Variants in PFKFB4 observed in about 807,000 individuals in gnomAD.
PFKFB4 encodes the protein 6-phosphofructo-2-kinase/fructose-2,6-biphosphatase 4.
In PFKFB4, 42 loss-of-function variants were observed where a neutral mutation model predicts 62.8. That is an observed-to-expected ratio of 0.67 (90% CI 0.52 to 0.86). The LOEUF (loss-of-function observed/expected upper bound fraction) is 0.86. Among genes scored for constraint, PFKFB4 ranks in the 40% least tolerant of loss-of-function variants. PFKFB4 has a pLI of 0.00. For missense variants in PFKFB4, 475 were observed against 627.2 expected, an observed-to-expected ratio of 0.76 and a Z score of 2.59; for synonymous variants, 204 against 240.7, an observed-to-expected ratio of 0.85 and a Z score of 1.41.
At chr3:48,545,536 G>A (rs1170793075) in intron 3 of PFKFB4, among the ~76,000 whole-genome samples, 2 of 152,188 alleles carry the variant, frequency 1.3e-5, no homozygotes, top group Non-Finnish European at 2.9e-5. Flanking sequence ...GGCAGAAGCT[G>A]ATCTGAGAAC....
intron 9 of PFKFB4, among the ~76,000 whole-genome samples, chr3:48,534,887 C>T (rs2042543017): frequency 6.6e-6 from 1 of 151,898 alleles, no homozygotes; most frequent in Non-Finnish European, 1.5e-5. Flanking sequence ...CAGCCCACTG[C>T]AACCTCTGTC....
intron 13 of PFKFB4, among the ~76,000 whole-genome samples, chr3:48,520,137 G>A (rs1430635615): frequency 6.6e-6 from 1 of 152,174 alleles, no homozygotes; most frequent in African/African-American, 2.4e-5. Context: ...CCTGGCTTGG[G>A]GATTTTATCC....
intron 3 of PFKFB4, among the ~76,000 whole-genome samples, chr3:48,549,303 C>T (rs149625246): frequency 3.4e-3 from 517 of 152,246 alleles, no homozygotes; most frequent in African/African-American, 0.012. Context: ...CAAAGCCAAT[C>T]GCACCAGCAA....
At chr3:48,534,859 A>G (rs1208401424) in intron 9 of PFKFB4, among the ~76,000 whole-genome samples, 1 of 151,564 alleles carries the variant, frequency 6.6e-6, no homozygotes, top group Non-Finnish European at 1.5e-5. Context: ...CCCAGGCTGG[A>G]GTGCAGTGGC....
At position 48,523,617 on chromosome 3, in the gene PFKFB4, G is replaced by T. The variant is rs1457571701; in HGVS notation, c.1223-18C>A. The T allele has an allele frequency of 6.2e-7, 1 of 1,613,990 alleles. No individual in the cohort carries two copies. The highest frequency in any genetic ancestry group is 1.3e-5 in the African/African-American group (1 of 74,940). ...CAGCTGTTCTGTAGACACAGAGGGGGATGGCTAGCACACCAGAAATGCCTG... is the reference window on the plus strand; with the variant it reads ...CAGCTGTTCTGTAGACACAGAGGGGTATGGCTAGCACACCAGAAATGCCTG... On this transcript the variant is annotated intron_variant, in intron 11 of 13. Transcript: ENST00000232375.
intron 13 of PFKFB4, among the ~76,000 whole-genome samples, chr3:48,520,900 C>A (rs549169810): frequency 1.3e-5 from 2 of 152,186 alleles, no homozygotes; most frequent in Non-Finnish European, 2.9e-5. Context: ...ACTCTGTCAG[C>A]GCTGGGGGCC....
intron 13 of PFKFB4, among the ~76,000 whole-genome samples, chr3:48,520,787 C>T (rs1293279189): frequency 6.6e-6 from 1 of 152,200 alleles, no homozygotes; most frequent in African/African-American, 2.4e-5. Context: ...TGACCGCCAG[C>T]CACACTATGG....
At chr3:48,561,180 C>A, upstream of PFKFB4, 2 of 883,238 alleles carry the variant, frequency 2.3e-6, no homozygotes, top group Non-Finnish European at 3.1e-6. This position sits in a 1 kb window ranked among gnomAD's most constrained non-coding sequence, Gnocchi z 5.2. Context: ...CCCCGCCTAG[C>A]ACTCTGAAGA....
chr3:48,551,160 G>A (rs1199424614), intron 1 of PFKFB4, among the ~76,000 whole-genome samples: 3 of 151,732 alleles, frequency 2.0e-5, no homozygotes, highest in Non-Finnish European at 4.4e-5. Context: ...GGCTAGAACA[G>A]ATACCAAGGC....
At chr3:48,542,740 A>G (rs2109181) in intron 4 of PFKFB4, among the ~76,000 whole-genome samples, 19,322 of 152,198 alleles carry the variant, frequency 0.13, 1,639 homozygotes, top group Non-Finnish European at 0.19. Flanking sequence ...ACTAGAAGCC[A>G]TAAGACATCA....
chr3:48,520,923 G>A (rs144522581), intron 13 of PFKFB4, among the ~76,000 whole-genome samples: 79 of 152,308 alleles, frequency 5.2e-4, no homozygotes, highest in Middle Eastern at 3.4e-3. Context: ...GTGCCATCTG[G>A]GCCTTCCTTG....
Position 48,556,186 on chromosome 3 carries a change from A to G in PFKFB4, c.97+495T>C, listed in dbSNP as rs1478099743. On this transcript the variant is annotated intron_variant, in intron 1 of 13. Coordinates refer to ENST00000232375, the MANE Select transcript of PFKFB4 (RefSeq NM_004567.4). The surrounding 1 kb of genome is among the most constrained non-coding windows in gnomAD (Gnocchi z 5.7). ...CCTGCCCAAGCTCAGCTTTAAGGCCAAGAGGCACCCTTCCTCCTGTTGGAA... is the reference window on the plus strand; with the variant it reads ...CCTGCCCAAGCTCAGCTTTAAGGCCGAGAGGCACCCTTCCTCCTGTTGGAA... 4.4e-6 allele frequency: 2 copies of G among 458,270 alleles called. No homozygotes were observed. Among genetic ancestry groups the G allele is most frequent in the South Asian group, 1.5e-5 (1 of 64,596 alleles). 28.4% of individuals were successfully genotyped at this position (458,270 alleles called of 1,614,324 possible). A position where few individuals can be genotyped will look rare whatever the true frequency, so the allele number is the denominator to read the frequency against.
At chr3:48,546,829 A>G (rs1361350751) in intron 3 of PFKFB4, among the ~76,000 whole-genome samples, 3 of 152,210 alleles carry the variant, frequency 2.0e-5, no homozygotes, top group Non-Finnish European at 4.4e-5. Flanking sequence ...GCCCCCAGTA[A>G]AAACCTTGGT....
At chr3:48,562,930 G>A, upstream of PFKFB4, 1 of 1,605,072 alleles carries the variant, frequency 6.2e-7, no homozygotes, top group Non-Finnish European at 8.5e-7. This position sits in a 1 kb window ranked among gnomAD's most constrained non-coding sequence, Gnocchi z 4.3. Context: ...CAGGGTGGCG[G>A]GTGGGGCTGC....
chr3:48,539,887 C>T, intron 4 of PFKFB4, 116 bp from the exon 5 acceptor site: 1 of 799,034 alleles, frequency 1.3e-6, no homozygotes. Flanking sequence ...CTGGATTTCT[C>T]ATAAGGACCA....
intron 3 of PFKFB4, among the ~76,000 whole-genome samples, chr3:48,549,249 G>A (rs2043054424): frequency 6.6e-6 from 1 of 152,176 alleles, no homozygotes; most frequent in Non-Finnish European, 1.5e-5. Flanking sequence ...AGTAACAGCA[G>A]AAGTGTGAAC....
Position 48,525,441 on chromosome 3 carries a change from CCT to C in PFKFB4, c.1092+122_1092+123del, listed in dbSNP as rs1002319724. 6.8e-4 allele frequency: 367 copies of C among 543,172 alleles called. 1 individual carries two copies. The highest frequency in any genetic ancestry group is 1.1e-3 in the Admixed American group (33 of 29,076). The allele number at this position is 543,172 out of a possible 1,614,324, so 33.6% of individuals were successfully genotyped here. On this transcript the variant is annotated intron_variant, in intron 10 of 13. Coordinates refer to ENST00000232375, the MANE Select transcript of PFKFB4 (RefSeq NM_004567.4). ...TGAACCACACACCCAGGCTGGCAGG[CCT>C]CTGAGACCAGGCCCCTTCTGCTACC...
intron 4 of PFKFB4, among the ~76,000 whole-genome samples, chr3:48,541,433 C>T (rs1397420677): frequency 6.6e-6 from 1 of 151,906 alleles, no homozygotes; most frequent in Non-Finnish European, 1.5e-5. Context: ...CTGGCCCACA[C>T]CTGGCTAATT....
intron 1 of PFKFB4, among the ~76,000 whole-genome samples, chr3:48,554,416 G>A (rs72925268): frequency 0.037 from 5,565 of 152,260 alleles, 362 homozygotes; most frequent in African/African-American, 0.13. Context: ...ACAACCTGCA[G>A]GTCTCATCTT....
Sources: gnomAD v4.1 joint callset for allele counts (sites outside exome capture counted in the v4.1 genomes callset) on GRCh38, gnomAD v4.1.1 for gene constraint, Gnocchi (gnomAD v3.1) non-coding constraint, MANE v1.5 for transcripts, NCBI Gene and HGNC (gene_info 2026-07-23, HGNC 2026-07-21) for gene names.